Variants in ERMP1 observed in about 807,000 individuals in gnomAD.
ERMP1 encodes the protein endoplasmic reticulum metallopeptidase 1, also known as Felix-ina.
A neutral mutation model predicts 92.0 loss-of-function variants in ERMP1; 86 were observed. That is an observed-to-expected ratio of 0.93 (90% CI 0.79 to 1.12). The LOEUF is 1.12. Among genes scored for constraint, ERMP1 ranks in the 50% most tolerant of loss-of-function variants. The pLI is 0.00. For synonymous variants in ERMP1, 530 were observed against 412.8 expected, an observed-to-expected ratio of 1.28 and a Z score of -3.44; for missense variants, 1,342 against 1,116.3, an observed-to-expected ratio of 1.20 and a Z score of -2.88.
chr9:5,859,679 T>G (rs1243191972), intron 5 of ERMP1, among the ~76,000 whole-genome samples: 1 of 152,236 alleles, frequency 6.6e-6, no homozygotes, highest in Non-Finnish European at 1.5e-5. Flanking sequence ...AACTTACCCA[T>G]AACTATTTCA....
intron 6 of ERMP1, among the ~76,000 whole-genome samples, chr9:5,853,138 C>T (rs189112441): frequency 1.6e-4 from 25 of 152,274 alleles, no homozygotes; most frequent in Middle Eastern, 3.4e-3. Flanking sequence ...AGTAAGGTGT[C>T]TTTATGCCAA....
chr9:5,787,302 C>T lies in ERMP1; in HGVS notation c.2557G>A (p.Glu853Lys). Reference protein sequence around the residue: ...WQFWIEVQVSEEHPEGMVTVA... With the variant: ...WQFWIEVQVSKEHPEGMVTVA... ...GTGACCATTCCTTCAGGATGTTCTT[C>T]TGAAACCTGCCAGAGAAAATCAATT... Residue 853 changes from glutamate (E) to lysine (K), a missense_variant, in exon 15 of 15, where the codon GAA (glutamate) becomes AAA (lysine). Transcript: ENST00000339450. The T allele has an allele frequency of 1.2e-6, 2 of 1,611,846 alleles. No homozygotes were observed. The highest frequency in any genetic ancestry group is 1.7e-6 in the Non-Finnish European group (2 of 1,179,108).
rs190324861 is a variant in ERMP1 at position 5,817,750 on chromosome 9, G to C, written c.875-4715C>G. 3.2e-4 allele frequency among the ~76,000 whole-genome samples: 49 copies of C among 152,126 alleles called. No homozygotes were observed. The East Asian group carries it at 9.1e-3, about 28-fold the overall frequency. ...TCAGTGCCAAGAATAGTAAGTCAAAGTTCTCTAGAAGTCCAGGGAAAACAG... is the reference window on the plus strand; with the variant it reads ...TCAGTGCCAAGAATAGTAAGTCAAACTTCTCTAGAAGTCCAGGGAAAACAG... On this transcript the variant is annotated intron_variant, in intron 4 of 14. Transcript: ENST00000339450.
At chr9:5,811,086 T>C (rs1455641851) in intron 7 of ERMP1, 25 bp downstream of exon 7, 15 of 1,527,130 alleles carry the variant, frequency 9.8e-6, no homozygotes, top group Non-Finnish European at 1.2e-5. Context: ...TGCCAGTATT[T>C]GTAGTTTTAG....
intron 8 of ERMP1, among the ~76,000 whole-genome samples, chr9:5,807,690 G>A (rs962767440): frequency 6.6e-6 from 1 of 152,006 alleles, no homozygotes; most frequent in Non-Finnish European, 1.5e-5. Context: ...AGGTTGCAGT[G>A]AGCCAAGATC....
chr9:5,796,832 T>G (rs183882846), intron 13 of ERMP1, among the ~76,000 whole-genome samples: 27 of 152,046 alleles, frequency 1.8e-4, no homozygotes, highest in Non-Finnish European at 3.4e-4. Context: ...TCAATACCCA[T>G]AGAACTACAC....
Position 5,832,872 on chromosome 9 carries a change from C to G in ERMP1, c.156G>C (p.Arg52Ser). The G allele has an allele frequency of 6.5e-7, 1 of 1,528,132 alleles. No individual in the cohort carries two copies. The highest frequency in any genetic ancestry group is 8.7e-7 in the Non-Finnish European group (1 of 1,147,306). The allele number at this position is 1,528,132 out of a possible 1,614,324, so 94.7% of individuals were successfully genotyped here. The change falls in exon 1 of 15, where the codon AGG becomes AGC. Residue 52 changes from arginine (R) to serine (S), a missense_variant. Arg to Ser is a moderately radical substitution (Grantham distance 110). Coordinates refer to ENST00000339450, the MANE Select transcript of ERMP1 (RefSeq NM_024896.3). Reference sequence around the variant, plus strand: ...TCGCGCCGCCGCTACCCCCGGGGCTCCTCTTCCGCGTCCTCCCGCCGCCGC... The same window carrying G: ...TCGCGCCGCCGCTACCCCCGGGGCTGCTCTTCCGCGTCCTCCCGCCGCCGC... ...GCSGGGRTRK[R>S]SPGGSGGASR...
At chr9:5,852,390 A>T (rs1830320605) in intron 6 of ERMP1, among the ~76,000 whole-genome samples, 1 of 151,634 alleles carries the variant, frequency 6.6e-6, no homozygotes, top group Non-Finnish European at 1.5e-5. Context: ...AGCCTCCCTC[A>T]TAGCTGGGAC....
intron 6 of ERMP1, among the ~76,000 whole-genome samples, chr9:5,847,624 A>G (rs1387418875): frequency 1.3e-5 from 2 of 151,568 alleles, no homozygotes; most frequent in African/African-American, 2.4e-5. Flanking sequence ...GGCCAGGCGC[A>G]GTGGCTCACA....
chr9:5,797,696 A>C, intron 13 of ERMP1, 121 bp downstream of exon 13: 1 of 679,770 alleles, frequency 1.5e-6, no homozygotes, highest in Non-Finnish European at 2.6e-6. Context: ...GATTTTAGAA[A>C]CATCACAGGC....
rs1235644111 is a variant in ERMP1, at chr9:5,784,601, G to T, written c.*2543C>A. The T allele has an allele frequency of 1.3e-5, 2 of 152,600 alleles. No individual in the cohort carries two copies. Among genetic ancestry groups the T allele is most frequent in the African/African-American group, 2.4e-5 (1 of 41,436 alleles). 9.5% of individuals were successfully genotyped at this position (152,600 alleles called of 1,614,324 possible). On this transcript the variant is annotated 3_prime_UTR_variant, in exon 15 of 15. Coordinates refer to ENST00000339450, the MANE Select transcript of ERMP1 (RefSeq NM_024896.3). ...TTAAACAGTTTATTTCAGTAACATT[G>T]TAAGGCAACAATTAATCCTCAGTAA...
At chr9:5,826,017 G>GT (rs1829720039) in intron 2 of ERMP1, among the ~76,000 whole-genome samples, 2 of 152,040 alleles carry the variant, frequency 1.3e-5, no homozygotes, top group Admixed American at 6.6e-5. Flanking sequence ...GCAATTGGTG[G>GT]TATCAAAAAG....
At chr9:5,799,066 C>A in intron 11 of ERMP1, 58 bp from the exon 12 acceptor site, 6 of 1,234,676 alleles carry the variant, frequency 4.9e-6, no homozygotes, top group Non-Finnish European at 7.1e-6. Context: ...CATTCCCACC[C>A]CAGATTACAA....
chr9:5,812,067 G>C (rs1216231847), intron 6 of ERMP1, 58 bp downstream of exon 6: 8 of 1,054,048 alleles, frequency 7.6e-6, no homozygotes, highest in Non-Finnish European at 1.2e-5. Flanking sequence ...ACAAGTTTAT[G>C]TATCATCCCT....
At chr9:5,818,021 T>C (rs1829385170) in intron 4 of ERMP1, among the ~76,000 whole-genome samples, 1 of 152,100 alleles carries the variant, frequency 6.6e-6, no homozygotes, top group African/African-American at 2.4e-5. Context: ...TGTTCAAGAA[T>C]AGATCACATG....
chr9:5,850,611 T>A (rs930447959), intron 6 of ERMP1, among the ~76,000 whole-genome samples: 2 of 152,024 alleles, frequency 1.3e-5, no homozygotes, highest in Admixed American at 1.3e-4. Context: ...ACTCTCACTC[T>A]ACATAAGAAC....
At chr9:5,806,718 G>C (rs1315317917) in intron 8 of ERMP1, among the ~76,000 whole-genome samples, 1 of 152,150 alleles carries the variant, frequency 6.6e-6, no homozygotes, top group Non-Finnish European at 1.5e-5. Context: ...GGGATTACAG[G>C]TGTGAGCCAC....
chr9:5,842,434 C>CAAAAAAAAAAAAAAAAAAAAAAAAA (rs57411750), intron 6 of ERMP1, among the ~76,000 whole-genome samples: 2 of 107,894 alleles, frequency 1.9e-5, no homozygotes, highest in South Asian at 3.0e-4. Context: ...GAGACTGTCT[C>CAAAAAAAAAAAAAAAAAAAAAAAAA]AAAAAAAAAA....
chr9:5,792,860 T>C (rs1056361582), intron 13 of ERMP1, among the ~76,000 whole-genome samples: 1 of 152,122 alleles, frequency 6.6e-6, no homozygotes. Context: ...TAGAACAATA[T>C]ACAATGCTCA....
Sources: gnomAD v4.1 joint callset for allele counts (sites outside exome capture counted in the v4.1 genomes callset) on GRCh38, gnomAD v4.1.1 for gene constraint, MANE v1.5 for transcripts, NCBI Gene and HGNC (gene_info 2026-07-23, HGNC 2026-07-21) for gene names.